GRM1: variants seen among roughly 807,000 people sequenced by gnomAD.
GRM1 encodes the protein metabotropic glutamate receptor 1.
GRM1 carries 33 observed loss-of-function variants against 90.9 expected under a neutral mutation model. The observed-to-expected ratio is 0.36, with a 90% confidence interval of 0.28 to 0.49. The LOEUF (loss-of-function observed/expected upper bound fraction) is 0.49, where lower values mean the gene tolerates loss of function less well. GRM1 is among the 20% of genes least tolerant of loss of function. GRM1 has a pLI of 0.99. For missense variants in GRM1, 1,190 were observed against 1,534.3 expected, an observed-to-expected ratio of 0.78 and a Z score of 3.75; for synonymous variants, 700 against 613.2, an observed-to-expected ratio of 1.14 and a Z score of -2.09.
intron 1 of GRM1, among the ~76,000 whole-genome samples, chr6:146,112,515 A>G (rs989300079): frequency 6.6e-6 from 1 of 152,092 alleles, no homozygotes; most frequent in Non-Finnish European, 1.5e-5. Context: ...TATAGCATGT[A>G]TTCTTTTTCT....
chr6:146,418,294 G>A (rs566459530), intron 7 of GRM1, among the ~76,000 whole-genome samples: 2 of 151,874 alleles, frequency 1.3e-5, no homozygotes, highest in South Asian at 4.2e-4. Context: ...AGTTCCTGGG[G>A]TAAAGCTAAG....
At chr6:146,345,912 C>G (rs1785172704) in intron 3 of GRM1, among the ~76,000 whole-genome samples, 1 of 152,202 alleles carries the variant, frequency 6.6e-6, no homozygotes, top group Admixed American at 6.5e-5. Flanking sequence ...TACTGCAGAC[C>G]TGCAAAGATT....
intron 1 of GRM1, among the ~76,000 whole-genome samples, chr6:146,059,045 G>C (rs1489059223): frequency 6.6e-6 from 1 of 152,036 alleles, no homozygotes; most frequent in African/African-American, 2.4e-5. Flanking sequence ...TAATAATGTT[G>C]ATATTTTGAA....
Position 146,159,464 on chromosome 6 carries a change from C to T in GRM1, c.817C>T (p.Leu273Phe). ...CGCTGGGGAGAAGAGCTTTGACCGA[C>T]TCTTGCGCAAACTCCGAGAGAGGCT... ...SNAGEKSFDRLLRKLRERLPK... is the reference protein window; with the variant it reads ...SNAGEKSFDRFLRKLRERLPK... Residue 273 changes from leucine to phenylalanine, a missense_variant, in exon 2 of 8, where the codon CTC (leucine) becomes TTC (phenylalanine). By Grantham distance (22) the Leu-to-Phe change is conservative. Coordinates refer to ENST00000282753, the MANE Select transcript of GRM1 (RefSeq NM_001278064.2). 6.2e-7 allele frequency: 1 copy of T among 1,614,212 alleles called. No individual in the cohort carries two copies. Among genetic ancestry groups the T allele is most frequent in the African/African-American group, 1.3e-5 (1 of 75,070 alleles).
At chr6:146,320,114 C>T (rs918600928) in intron 3 of GRM1, among the ~76,000 whole-genome samples, 1 of 152,070 alleles carries the variant, frequency 6.6e-6, no homozygotes, top group East Asian at 1.9e-4. Context: ...TCATAAATAG[C>T]TCTTATTATT....
chr6:146,104,248 G>C, intron 1 of GRM1, among the ~76,000 whole-genome samples: 1 of 152,152 alleles, frequency 6.6e-6, no homozygotes, highest in Non-Finnish European at 1.5e-5. Flanking sequence ...AGACCATCCT[G>C]GCTAACACGG....
chr6:146,324,997 T>C (rs1346930577), intron 3 of GRM1, among the ~76,000 whole-genome samples: 2 of 152,186 alleles, frequency 1.3e-5, no homozygotes, highest in South Asian at 4.1e-4. Flanking sequence ...CTATCAAGAC[T>C]CCAGTAAATT....
At chr6:146,248,424 G>A (rs529612051) in intron 2 of GRM1, among the ~76,000 whole-genome samples, 1 of 152,284 alleles carries the variant, frequency 6.6e-6, no homozygotes, top group African/African-American at 2.4e-5. Flanking sequence ...CTCCCATGCT[G>A]TTCTCGTGAT....
rs145703320 is a variant in GRM1, at chr6:146,218,090, A to C, written c.950+58493A>C. Among the ~76,000 whole-genome samples, 33 of 152,146 alleles carry C rather than the reference A, an allele frequency of 2.2e-4. No individual in the cohort carries two copies. In the East Asian group the frequency reaches 6.4e-3, roughly 29 times the overall value. On this transcript the variant is annotated intron_variant, in intron 2 of 7. Coordinates refer to ENST00000282753, the MANE Select transcript of GRM1 (RefSeq NM_001278064.2). ...GTATAGAGAGGTTAGTAATTTGTCA[A>C]GGTCTCCCAGCCTGTGTGTGGAGAG...
chr6:146,112,292 AG>A (rs1775588886), intron 1 of GRM1, among the ~76,000 whole-genome samples: 1 of 151,744 alleles, frequency 6.6e-6, no homozygotes. Context: ...AAAAAAAAAA[AG>A]AACAACACAA....
chr6:146,370,735 T>G (rs1040653675), intron 5 of GRM1, among the ~76,000 whole-genome samples: 2 of 152,034 alleles, frequency 1.3e-5, no homozygotes, highest in Non-Finnish European at 2.9e-5. Context: ...GGGAAGAGCC[T>G]AATTCTTGGA....
chr6:146,390,175 T>C (rs1328592128), intron 6 of GRM1, among the ~76,000 whole-genome samples: 1 of 152,110 alleles, frequency 6.6e-6, no homozygotes, highest in Non-Finnish European at 1.5e-5. Flanking sequence ...TAATAGTTGG[T>C]TAAAATATAC....
Position 146,279,204 on chromosome 6 carries a change from T to C in GRM1, c.951-25407T>C, listed in dbSNP as rs571379176. ...GTATGGAATCAATAGTGATTTTTAA[T>C]TCATTGCTATTATTGATCATTTATA... On this transcript the variant is annotated intron_variant, in intron 2 of 7. Transcript: ENST00000282753. Among the ~76,000 whole-genome samples the C allele has an allele frequency of 9.8e-5, 15 of 152,308 alleles. No individual in the cohort carries two copies. The South Asian group carries it at 2.9e-3, about 29-fold the overall frequency.
intron 4 of GRM1, among the ~76,000 whole-genome samples, chr6:146,356,442 G>A (rs1304047917): frequency 6.6e-6 from 1 of 152,056 alleles, no homozygotes; most frequent in Non-Finnish European, 1.5e-5. Flanking sequence ...AGCTTTTTAA[G>A]GCTGCTTTTA....
Position 146,056,238 on chromosome 6 carries a change from A to G in GRM1, c.700+26021A>G, listed in dbSNP as rs1775475214. On this transcript the variant is annotated intron_variant, in intron 1 of 7. Transcript: ENST00000282753. ...AGAGACCACAGGTTCTGACATTTAC[A>G]GGGACACACAGGTGAGGCTACAAGG... 2.0e-5 allele frequency among the ~76,000 whole-genome samples: 3 copies of G among 152,144 alleles called. No individual in the cohort carries two copies. In the South Asian group the frequency reaches 6.2e-4, roughly 32 times the overall value.
chr6:146,242,157 G>C (rs1780888081), intron 2 of GRM1, among the ~76,000 whole-genome samples: 1 of 152,080 alleles, frequency 6.6e-6, no homozygotes, highest in Admixed American at 6.6e-5. Context: ...AGAGCTCCAG[G>C]TGAGATGTGA....
chr6:146,324,482 T>A (rs1269659918), intron 3 of GRM1, among the ~76,000 whole-genome samples: 1 of 148,758 alleles, frequency 6.7e-6, no homozygotes, highest in Non-Finnish European at 1.5e-5. Flanking sequence ...TTTAAAAAAC[T>A]CCTGCAGCTA....
At chr6:146,082,008 A>G (rs1000540455) in intron 1 of GRM1, among the ~76,000 whole-genome samples, 6 of 152,158 alleles carry the variant, frequency 3.9e-5, no homozygotes, top group Admixed American at 2.6e-4. Flanking sequence ...AGTTCTTAGG[A>G]AGAACATATG....
intron 1 of GRM1, among the ~76,000 whole-genome samples, chr6:146,049,705 T>TCAC (rs1249191717): frequency 6.7e-6 from 1 of 148,864 alleles, no homozygotes; most frequent in Non-Finnish European, 1.5e-5. Context: ...CTATCTATCA[T>TCAC]CTCATGTTGG....
Sources: gnomAD v4.1 joint callset for allele counts (sites outside exome capture counted in the v4.1 genomes callset) on GRCh38, gnomAD v4.1.1 for gene constraint, MANE v1.5 for transcripts, NCBI Gene and HGNC (gene_info 2026-07-23, HGNC 2026-07-21) for gene names.